The following XIRP2 variants were observed in gnomAD, a reference collection of about 807,000 sequenced individuals.
XIRP2 encodes xin actin binding repeat containing 2.
In XIRP2, 236 loss-of-function variants were observed where a neutral mutation model predicts 277.0. That is an observed-to-expected ratio of 0.85 (90% CI 0.77 to 0.95). The LOEUF (loss-of-function observed/expected upper bound fraction) is 0.95. Among genes scored for constraint, XIRP2 ranks in the 40% least tolerant of loss-of-function variants. The pLI is 0.00. For synonymous variants in XIRP2, 1,490 were observed against 1,416.5 expected, an observed-to-expected ratio of 1.05 and a Z score of -1.17; for missense variants, 4,640 against 4,157.5, an observed-to-expected ratio of 1.12 and a Z score of -3.19.
At chr2:167,241,678 G>A (rs557805545) in intron 7 of XIRP2, 99 bp from the exon 8 acceptor site, 1 of 1,362,798 alleles carries the variant, frequency 7.3e-7, no homozygotes, top group South Asian at 1.5e-5. Flanking sequence ...CCAAAGTATT[G>A]GGATTACAGG....
intron 2 of XIRP2, among the ~76,000 whole-genome samples, chr2:166,953,928 T>A (rs776937638): frequency 1.3e-5 from 2 of 151,958 alleles, no homozygotes; most frequent in Non-Finnish European, 2.9e-5. Context: ...ATGCTATGTA[T>A]AAAAGTATTA....
At chr2:167,183,265 T>C (rs1693067308) in intron 3 of XIRP2, among the ~76,000 whole-genome samples, 1 of 152,194 alleles carries the variant, frequency 6.6e-6, no homozygotes, top group Admixed American at 6.6e-5. Context: ...AAGCAAGCTG[T>C]AGTAATGGGG....
At chr2:167,076,334 T>G (rs11888203) in intron 2 of XIRP2, among the ~76,000 whole-genome samples, 46,568 of 152,076 alleles carry the variant, frequency 0.31, 9,900 homozygotes, top group African/African-American at 0.61. Context: ...ACATCAAGCT[T>G]AAAATCTTTC....
intron 3 of XIRP2, among the ~76,000 whole-genome samples, chr2:167,145,522 C>G (rs929899798): frequency 2.6e-5 from 4 of 152,126 alleles, no homozygotes; most frequent in African/African-American, 4.8e-5. Flanking sequence ...GAGATTATAT[C>G]ATAATATTTT....
intron 1 of XIRP2, among the ~76,000 whole-genome samples, chr2:166,893,161 T>C (rs1428058978): frequency 6.6e-6 from 1 of 151,970 alleles, no homozygotes; most frequent in African/African-American, 2.4e-5. Flanking sequence ...GTGAGAATAT[T>C]GGAATTTGAT....
At chr2:167,156,669 G>T (rs1233362591) in intron 3 of XIRP2, among the ~76,000 whole-genome samples, 1 of 152,146 alleles carries the variant, frequency 6.6e-6, no homozygotes, top group African/African-American at 2.4e-5. Context: ...TATGGATTAT[G>T]CTTCGCAGGC....
At chr2:167,002,565 C>A (rs544543552) in intron 2 of XIRP2, among the ~76,000 whole-genome samples, 1 of 151,926 alleles carries the variant, frequency 6.6e-6, no homozygotes, top group Non-Finnish European at 1.5e-5. Context: ...AGGTACAACT[C>A]AAGTTTTCTT....
intron 9 of XIRP2, among the ~76,000 whole-genome samples, 198 bp from the exon 10 acceptor site, chr2:167,253,834 G>A (rs1373563540): frequency 6.6e-6 from 1 of 151,222 alleles, no homozygotes; most frequent in Non-Finnish European, 1.5e-5. Context: ...AAGCACTAGA[G>A]TAATGTAGAC....
At chr2:167,175,758 G>A (rs73025703) in intron 3 of XIRP2, among the ~76,000 whole-genome samples, 26,270 of 152,134 alleles carry the variant, frequency 0.17, 3,343 homozygotes, top group African/African-American at 0.36. Context: ...TCCCCCAGGT[G>A]CTCTGTCCCA....
intron 3 of XIRP2, among the ~76,000 whole-genome samples, chr2:167,153,052 T>C (rs184222140): frequency 6.6e-6 from 1 of 152,296 alleles, no homozygotes; most frequent in East Asian, 1.9e-4. Context: ...GTTTGCCTTA[T>C]TCATAACTAC....
At chr2:167,012,923 C>T (rs541168373) in intron 2 of XIRP2, among the ~76,000 whole-genome samples, 1 of 151,240 alleles carries the variant, frequency 6.6e-6, no homozygotes, top group African/African-American at 2.4e-5. Flanking sequence ...ATCATTGGTT[C>T]TTTCATGATG....
At chr2:166,928,502 C>T (rs1366435151) in intron 2 of XIRP2, among the ~76,000 whole-genome samples, 3 of 152,134 alleles carry the variant, frequency 2.0e-5, no homozygotes, top group African/African-American at 7.2e-5. Context: ...TTCAAGCCTC[C>T]TTAAATTACT....
intron 2 of XIRP2, among the ~76,000 whole-genome samples, chr2:166,911,122 A>G (rs939238633): frequency 6.6e-6 from 1 of 152,176 alleles, no homozygotes; most frequent in Non-Finnish European, 1.5e-5. Flanking sequence ...GTAGATGTCT[A>G]TTAGGTCCGC....
chr2:166,940,741 G>A (rs1333985388), intron 2 of XIRP2, among the ~76,000 whole-genome samples: 1 of 152,240 alleles, frequency 6.6e-6, no homozygotes, highest in Non-Finnish European at 1.5e-5. Flanking sequence ...TGTATCAGAA[G>A]TGGAGGCTGC....
intron 2 of XIRP2, among the ~76,000 whole-genome samples, chr2:167,095,345 A>C (rs1193565317): frequency 1.3e-5 from 2 of 152,140 alleles, no homozygotes; most frequent in Non-Finnish European, 2.9e-5. Flanking sequence ...AACTTCCAAT[A>C]TTATGTTGAA....
chr2:166,892,744 T>C (rs1684135249), intron 1 of XIRP2, among the ~76,000 whole-genome samples: 1 of 151,256 alleles, frequency 6.6e-6, no homozygotes. Flanking sequence ...CATAGAATGC[T>C]ACAATTTTGG....
intron 2 of XIRP2, among the ~76,000 whole-genome samples, chr2:166,981,940 C>G (rs1307099493): frequency 3.3e-5 from 5 of 152,152 alleles, no homozygotes; most frequent in Non-Finnish European, 5.9e-5. Context: ...TCTTTCTTTC[C>G]TAAAGTTCAA....
chr2:167,113,796 T>G (rs958846111), intron 2 of XIRP2, among the ~76,000 whole-genome samples: 1 of 152,218 alleles, frequency 6.6e-6, no homozygotes, highest in African/African-American at 2.4e-5. Context: ...TTTCCATAGT[T>G]AGTGATTCTT....
chr2:166,958,703 T>G (rs1686229521), intron 2 of XIRP2, among the ~76,000 whole-genome samples: 1 of 151,814 alleles, frequency 6.6e-6, no homozygotes, highest in Non-Finnish European at 1.5e-5. Flanking sequence ...TTCTTGTTAT[T>G]ATTATTAATT....
Sources: allele counts gnomAD v4.1 joint callset (sites outside exome capture counted in the v4.1 genomes callset), GRCh38; gene constraint gnomAD v4.1.1; transcripts MANE v1.5; gene names NCBI Gene and HGNC (gene_info 2026-07-23, HGNC 2026-07-21).